The following POLA1 variants were observed in gnomAD, a reference collection of about 807,000 sequenced individuals.
POLA1 encodes the protein DNA polymerase alpha catalytic subunit.
A neutral mutation model predicts 124.0 loss-of-function variants in POLA1; 15 were observed. That is an observed-to-expected ratio of 0.12 (90% confidence interval 0.08 to 0.19). POLA1 has a LOEUF of 0.19. Ranked by LOEUF, POLA1 falls within the 10% of genes least tolerant of loss-of-function variation. The pLI is 1.00. For missense variants in POLA1, 886 were observed against 1,103.4 expected (o/e 0.80, Z 2.79); for synonymous variants, 408 against 389.4 (o/e 1.05, Z -0.56).
In POLA1 at chrX:24,760,078, C is replaced by T. The variant is rs5944676; in HGVS notation, c.2964+11086C>T. Among the ~76,000 whole-genome samples, 1,062 of 112,169 alleles carry T rather than the reference C, an allele frequency of 9.5e-3. 2 individuals are homozygous for T. Among genetic ancestry groups the T allele is most frequent in the Admixed American group, 0.014 (149 of 10,626 alleles). ...AAAAAGAAAAGTGTGAAGTTATTAACCACTATTCACCAGTGGCATAGAAAT... is the reference window on the plus strand; with the variant it reads ...AAAAAGAAAAGTGTGAAGTTATTAATCACTATTCACCAGTGGCATAGAAAT... On this transcript the variant is annotated intron_variant, in intron 26 of 36. Transcript: ENST00000379068.
chrX:24,894,968 T>G (rs892444828), intron 35 of POLA1, among the ~76,000 whole-genome samples: 3 of 110,101 alleles, frequency 2.7e-5, no homozygotes, highest in African/African-American at 9.9e-5. Flanking sequence ...GAAACTGGGC[T>G]TTGCCATGTT....
intron 35 of POLA1, among the ~76,000 whole-genome samples, chrX:24,922,492 G>T (rs930040703): frequency 3.6e-5 from 4 of 111,719 alleles, no homozygotes; most frequent in Non-Finnish European, 7.5e-5. Context: ...AAGTCTGTCA[G>T]TGAGAGCACC....
intron 32 of POLA1, among the ~76,000 whole-genome samples, chrX:24,839,399 GGTAGACATTTAGA>G (rs1349534628): frequency 8.9e-6 from 1 of 112,184 alleles, no homozygotes; most frequent in Non-Finnish European, 1.9e-5. Flanking sequence ...GGATATTTAG[GGTAGACATTTAGA>G]GTAGACATTT....
At chrX:24,829,103 A>AC (rs778979018) in intron 32 of POLA1, among the ~76,000 whole-genome samples, 98 of 111,091 alleles carry the variant, frequency 8.8e-4, no homozygotes, top group African/African-American at 3.0e-3. Context: ...CTCAATCTAC[A>AC]CAGAGAACCC....
At chrX:24,955,910 A>G (rs1007731519) in intron 36 of POLA1, among the ~76,000 whole-genome samples, 8 of 112,192 alleles carry the variant, frequency 7.1e-5, no homozygotes, top group African/African-American at 1.9e-4. Context: ...AAGCTTTATT[A>G]TTGAAATTCC....
At chrX:24,963,958 G>T (rs922976989) in intron 36 of POLA1, among the ~76,000 whole-genome samples, 1 of 111,325 alleles carries the variant, frequency 9.0e-6, no homozygotes. Flanking sequence ...TTGTGCTGCC[G>T]TTACTCTTAA....
chrX:24,968,432 G>T (rs1275770139), intron 36 of POLA1, among the ~76,000 whole-genome samples: 2 of 111,844 alleles, frequency 1.8e-5, no homozygotes, highest in Non-Finnish European at 3.8e-5. Flanking sequence ...GGGCGCAGTG[G>T]CTCACTCCTG....
intron 11 of POLA1, 38 bp from the exon 12 acceptor site, chrX:24,724,297 C>CT (rs746477236): frequency 8.7e-6 from 6 of 689,038 alleles, no homozygotes; most frequent in South Asian, 2.4e-5. Context: ...TGTACAGATA[C>CT]TTTTTTTTCC....
intron 26 of POLA1, among the ~76,000 whole-genome samples, chrX:24,772,598 T>G (rs1486360170): frequency 9.0e-6 from 1 of 110,498 alleles, no homozygotes; most frequent in African/African-American, 3.3e-5. Context: ...TCTGTTCATG[T>G]GTTCTCATCA....
At chrX:24,782,577 T>C (rs1410167830) in intron 26 of POLA1, among the ~76,000 whole-genome samples, 1 of 111,683 alleles carries the variant, frequency 9.0e-6, no homozygotes, top group Non-Finnish European at 1.9e-5. Context: ...AACAGAGTGC[T>C]ACCTTAGCCA....
chrX:24,696,489 C>T (rs996538985), intron 1 of POLA1, among the ~76,000 whole-genome samples: 1 of 111,884 alleles, frequency 8.9e-6, no homozygotes, highest in Non-Finnish European at 1.9e-5. Context: ...AAAACCCATG[C>T]CCCCTTCCTT....
intron 36 of POLA1, among the ~76,000 whole-genome samples, chrX:24,964,418 T>A (rs887599064): frequency 7.1e-5 from 8 of 113,058 alleles, no homozygotes; most frequent in Admixed American, 4.7e-4. Context: ...GATGTTCTTA[T>A]ATACATCCTA....
intron 10 of POLA1, among the ~76,000 whole-genome samples, chrX:24,722,145 T>C (rs1054568708): frequency 1.8e-5 from 2 of 112,034 alleles, no homozygotes; most frequent in Admixed American, 1.9e-4. Flanking sequence ...ATTGACCTTG[T>C]GAACAGTAGC....
intron 10 of POLA1, among the ~76,000 whole-genome samples, chrX:24,722,458 A>G (rs1930258813): frequency 8.9e-6 from 1 of 112,515 alleles, no homozygotes; most frequent in African/African-American, 3.2e-5. Context: ...GAGGTAGAAA[A>G]GGTGAAATAG....
intron 19 of POLA1, among the ~76,000 whole-genome samples, chrX:24,738,198 C>T (rs1190729491): frequency 4.0e-5 from 3 of 75,382 alleles, no homozygotes; most frequent in African/African-American, 7.8e-5. Context: ...CCGGCCTGGG[C>T]GACAGAGCGA....
intron 35 of POLA1, among the ~76,000 whole-genome samples, chrX:24,917,911 G>A (rs2047556319): frequency 9.0e-6 from 1 of 111,591 alleles, no homozygotes; most frequent in South Asian, 3.8e-4. Flanking sequence ...CACTTTATAT[G>A]CATTGTCTTA....
intron 36 of POLA1, among the ~76,000 whole-genome samples, chrX:24,991,666 T>G (rs966089536): frequency 8.9e-6 from 1 of 112,731 alleles, no homozygotes; most frequent in African/African-American, 3.2e-5. Flanking sequence ...ATCACACTTC[T>G]AAATACTTGT....
In POLA1 at chrX:24,717,230, TTTGTGTGCC is replaced by T. The variant is rs1472682604; in HGVS notation, c.707-57_707-49del. On this transcript the variant is annotated intron_variant, in intron 8 of 36. Transcript: ENST00000379068. ...AAGCCTTTGTGCGCCTTTGTGTGCC[TTTGTGTGCC>T]TTTGTGTCATCGCAATAACACATGA... The T allele has an allele frequency of 2.3e-5, 23 of 1,012,164 alleles. No individual in the cohort carries two copies. In the African/African-American group the frequency reaches 4.3e-4, roughly 19 times the overall value. The allele number at this position is 1,012,164 out of a possible 1,213,427, so 83.4% of individuals were successfully genotyped here.
At chrX:24,951,868 G>T (rs1020467015) in intron 36 of POLA1, among the ~76,000 whole-genome samples, 1 of 111,567 alleles carries the variant, frequency 9.0e-6, no homozygotes, top group Admixed American at 9.5e-5. Flanking sequence ...AAAGAAATGT[G>T]GGGATTTGAA....
Sources: gnomAD v4.1 joint callset for allele counts (sites outside exome capture counted in the v4.1 genomes callset) on GRCh38, gnomAD v4.1.1 for gene constraint, MANE v1.5 for transcripts, NCBI Gene and HGNC (gene_info 2026-07-23, HGNC 2026-07-21) for gene names.